Variants in MOV10L1 observed in about 807,000 individuals in gnomAD.
MOV10L1 encodes RNA helicase Mov10l1.
A neutral mutation model predicts 143.8 loss-of-function variants in MOV10L1; 110 were observed. That is an observed-to-expected ratio of 0.76 (90% CI 0.66 to 0.90). The LOEUF is 0.90. MOV10L1 is among the 40% of genes least tolerant of loss of function. The pLI is 0.00. For missense variants in MOV10L1, 1,406 were observed against 1,526.8 expected (o/e 0.92, Z 1.32); for synonymous variants, 593 against 581.1 (o/e 1.02, Z -0.29).
At position 50,159,548 on chromosome 22, in the gene MOV10L1, G is replaced by GC; in HGVS notation, c.3217-128dup. 2.0e-6 allele frequency: 1 copy of GC among 509,000 alleles called. No individual in the cohort carries two copies. Among genetic ancestry groups the GC allele is most frequent in the East Asian group, 4.0e-5 (1 of 25,064 alleles). 31.5% of individuals were successfully genotyped at this position (509,000 alleles called of 1,614,324 possible). On this transcript the variant is annotated intron_variant, in intron 23 of 26. Transcript: ENST00000262794. The surrounding 1 kb of genome is among the most constrained non-coding windows in gnomAD (Gnocchi z 4.1). ...ACCCGGGAGGCAGAGGTTGCAGTGA[G>GC]CCGAGATCACGCCACTGCACTGCAG...
intron 12 of MOV10L1, 47 bp downstream of exon 12, chr22:50,126,319 G>T: frequency 6.9e-7 from 1 of 1,448,200 alleles, no homozygotes; most frequent in South Asian, 1.2e-5. Flanking sequence ...ACACCCTTCT[G>T]ACCGGTTGGA....
At chr22:50,137,762 T>C (rs2062862917) in intron 15 of MOV10L1, among the ~76,000 whole-genome samples, 1 of 116,746 alleles carries the variant, frequency 8.6e-6, no homozygotes, top group South Asian at 2.6e-4. Flanking sequence ...TATATAAATA[T>C]ACATATTTTA....
At chr22:50,090,279 GC>G (rs1404799285) in intron 1 of MOV10L1, 94 bp downstream of exon 1, 2 of 1,446,696 alleles carry the variant, frequency 1.4e-6, no homozygotes, top group Admixed American at 5.4e-5. Flanking sequence ...TGCAGTGCGG[GC>G]CGGCAGGCAA....
At chr22:50,155,172 A>G (rs549464911) in intron 22 of MOV10L1, among the ~76,000 whole-genome samples, 139 of 152,112 alleles carry the variant, frequency 9.1e-4, no homozygotes, top group African/African-American at 3.1e-3. Flanking sequence ...ATTATTTACA[A>G]TAAATGAGTA....
At chr22:50,110,245 T>G (rs1449642073) in intron 5 of MOV10L1, among the ~76,000 whole-genome samples, 2 of 151,938 alleles carry the variant, frequency 1.3e-5, no homozygotes, top group African/African-American at 2.4e-5. Flanking sequence ...GTCGGGAGAT[T>G]GAAACCATCC....
Position 50,152,299 on chromosome 22 carries a change from C to G in MOV10L1, c.2893-746C>G, listed in dbSNP as rs1047711988. On this transcript the variant is annotated intron_variant, in intron 21 of 26. Transcript: ENST00000262794. This position sits in a 1 kb window ranked among gnomAD's most constrained non-coding sequence, Gnocchi z 4.4. ...CAGCATTGCATAGAGAGGACGGCTC[C>G]CCGCGGCACAGACGCAGCGAGTCCT... is the stretch of plus-strand genomic sequence containing the variant. Among the ~76,000 whole-genome samples, 1 of 152,204 alleles carries G rather than the reference C, an allele frequency of 6.6e-6. No homozygotes were observed. The highest frequency in any genetic ancestry group is 1.5e-5 in the Non-Finnish European group (1 of 68,034).
chr22:50,142,130 G>T lies in MOV10L1; in HGVS notation c.2120G>T (p.Arg707Leu), dbSNP rs376461872. 2.5e-6 allele frequency: 4 copies of T among 1,613,624 alleles called. No homozygotes were observed. In the Admixed American group the frequency reaches 6.7e-5, roughly 27 times the overall value. ...DQAEHGTEER[R>L]VGDKDLPVLA... ...GCTGAGCATGGAACAGAGGAGAGGC[G>T]TGTTGGTGACAAGGACCTGCCGGTG... Residue 707 changes from arginine to leucine, a missense_variant, in exon 16 of 27, where the codon CGT (arginine) becomes CTT (leucine). This residue lies in a region of MOV10L1 where 1,233 missense variants were observed against 1,351.4 expected (regional missense o/e 0.91). Transcript: ENST00000262794.
chr22:50,097,627 C>G (rs2062622200), intron 2 of MOV10L1, among the ~76,000 whole-genome samples: 1 of 152,178 alleles, frequency 6.6e-6, no homozygotes, highest in Non-Finnish European at 1.5e-5. Flanking sequence ...TGTCCTTACA[C>G]TGGTGCCACA....
At chr22:50,133,119 T>C (rs1019655855) in intron 13 of MOV10L1, among the ~76,000 whole-genome samples, 2 of 152,082 alleles carry the variant, frequency 1.3e-5, no homozygotes, top group Non-Finnish European at 1.5e-5. Context: ...CCTGCGCTGG[T>C]TGGAACTTGT....
At chr22:50,132,450 G>A (rs957630433) in intron 13 of MOV10L1, among the ~76,000 whole-genome samples, 1 of 152,060 alleles carries the variant, frequency 6.6e-6, no homozygotes, top group Non-Finnish European at 1.5e-5. Flanking sequence ...AAAAGGGTAT[G>A]TCTCTCCATT....
At chr22:50,155,762 C>A (rs953426435) in intron 22 of MOV10L1, among the ~76,000 whole-genome samples, 1 of 152,200 alleles carries the variant, frequency 6.6e-6, no homozygotes. Context: ...GCGTGAGCCA[C>A]CGCACCCCGC....
Position 50,145,006 on chromosome 22 carries a change from G to C in MOV10L1, c.2506-683G>C, listed in dbSNP as rs192022989. On this transcript the variant is annotated intron_variant, in intron 18 of 26. Transcript: ENST00000262794. ...TGCCCAGGCTGGAGTGCAGTGGTGTGATCTTGGCTAACTGCAACCTCCGCC... is the reference window on the plus strand; with the variant it reads ...TGCCCAGGCTGGAGTGCAGTGGTGTCATCTTGGCTAACTGCAACCTCCGCC... Among the ~76,000 whole-genome samples the C allele has an allele frequency of 1.3e-4, 20 of 152,120 alleles. No individual in the cohort carries two copies. The East Asian group carries it at 3.5e-3, about 27-fold the overall frequency.
At position 50,158,182 on chromosome 22, in the gene MOV10L1, C is replaced by T. The variant is rs146259577; in HGVS notation, c.3192C>T (p.Gly1064=). ...GTCAGGTGTCTGCCAGCGACATTGG[C>T]GTCATCACGCCCTACCGGAAGCAGG... ...ISSQVSASDI[G]VITPYRKQVE... is the part of the protein sequence containing the mutation. Residue 1064 remains glycine (G), a synonymous_variant, in exon 23 of 27, where the codon GGC becomes GGT. Transcript: ENST00000262794. The surrounding 1 kb of genome is among the most constrained non-coding windows in gnomAD (Gnocchi z 5.0). 29 of 1,614,158 alleles carry T rather than the reference C, an allele frequency of 1.8e-5. No individual in the cohort carries two copies. The African/African-American group carries it at 2.7e-4, about 15-fold the overall frequency.
chr22:50,138,016 T>G (rs1446073394), intron 15 of MOV10L1, among the ~76,000 whole-genome samples: 1 of 151,770 alleles, frequency 6.6e-6, no homozygotes, highest in Non-Finnish European at 1.5e-5. Flanking sequence ...ATTAACAAAC[T>G]GAAAAGGAAA....
intron 15 of MOV10L1, 23 bp from the exon 16 acceptor site, chr22:50,142,058 T>A (rs1385564638): frequency 6.2e-7 from 1 of 1,600,178 alleles, no homozygotes; most frequent in Admixed American, 1.7e-5. Context: ...TTTTAAAACA[T>A]TTTTCTGCCT....
intron 13 of MOV10L1, among the ~76,000 whole-genome samples, chr22:50,129,242 A>G (rs1043842157): frequency 8.5e-5 from 13 of 152,190 alleles, no homozygotes; most frequent in African/African-American, 3.1e-4. Flanking sequence ...ACCGTCAGCT[A>G]CCAGCTCCTT....
At chr22:50,126,039 G>A (rs988627773) in intron 11 of MOV10L1, among the ~76,000 whole-genome samples, 163 bp from the exon 12 acceptor site, 10 of 151,714 alleles carry the variant, frequency 6.6e-5, no homozygotes, top group Non-Finnish European at 8.8e-5. Context: ...TGATCCGCCC[G>A]CCTCGGCCTC....
At chr22:50,105,798 A>G (rs1013184200) in intron 3 of MOV10L1, among the ~76,000 whole-genome samples, 24 of 152,264 alleles carry the variant, frequency 1.6e-4, no homozygotes, top group Non-Finnish European at 3.1e-4. Flanking sequence ...GAGGGCTGCC[A>G]GCCCCCAGTG....
intron 3 of MOV10L1, among the ~76,000 whole-genome samples, chr22:50,101,101 A>C (rs1255247254): frequency 5.9e-5 from 9 of 152,142 alleles, no homozygotes; most frequent in Admixed American, 3.9e-4. Context: ...TGCCTGTTGG[A>C]AGATGAATAG....
Sources: gnomAD v4.1 joint callset for allele counts (sites outside exome capture counted in the v4.1 genomes callset) on GRCh38, gnomAD v4.1.1 for gene constraint, gnomAD v4.1.1 regional missense constraint, Gnocchi (gnomAD v3.1) non-coding constraint, MANE v1.5 for transcripts, NCBI Gene and HGNC (gene_info 2026-07-23, HGNC 2026-07-21) for gene names.